The following PLAGL1 variants were observed in gnomAD, a reference collection of about 807,000 sequenced individuals.
PLAGL1 encodes zinc finger protein PLAGL1.
Under a neutral mutation model 4.6 loss-of-function variants are expected in PLAGL1, and 1 was observed. That is an observed-to-expected ratio of 0.22 (90% CI 0.08 to 1.03). The LOEUF (loss-of-function observed/expected upper bound fraction) is 1.03. Ranked by LOEUF, PLAGL1 falls within the 50% of genes least tolerant of loss-of-function variation. PLAGL1 has a pLI of 0.58. For synonymous variants in PLAGL1, 240 were observed against 237.8 expected, an observed-to-expected ratio of 1.01 and a Z score of -0.08; for missense variants, 464 against 570.4, an observed-to-expected ratio of 0.81 and a Z score of 1.90.
chr6:144,031,286 C>T (rs1395331436), intron 1 of PLAGL1, among the ~76,000 whole-genome samples: 1 of 152,086 alleles, frequency 6.6e-6, no homozygotes, highest in Non-Finnish European at 1.5e-5. Context: ...AAATTTTCTC[C>T]CACTCTGTGG....
In PLAGL1 at chr6:144,050,639, C is replaced by T. The variant is rs1798513269; in HGVS notation, c.-151+13829G>A. On this transcript the variant is annotated intron_variant, in intron 1 of 3. Coordinates refer to the PLAGL1 transcript ENST00000437412. This position sits in a 1 kb window ranked among gnomAD's most constrained non-coding sequence, Gnocchi z 4.3. ...GTGCAGTGGCTCATGTCTATAATCC[C>T]AGCACTTTGGGAGGCCAAGGCAGGA... Among the ~76,000 whole-genome samples, 3 of 152,172 alleles carry T rather than the reference C, an allele frequency of 2.0e-5. No individual in the cohort carries two copies. The highest frequency in any genetic ancestry group is 4.4e-5 in the Non-Finnish European group (3 of 68,034).
rs1797277047 is a variant in PLAGL1, at chr6:144,036,780, G to GTGA, written c.-151+27687_-151+27688insTCA. ...AAACTGCTCTAAGACAAGCAAGAAGGCAGACCTGCTAAATGCCCATTATGA... is the reference window on the plus strand; with the variant it reads ...AAACTGCTCTAAGACAAGCAAGAAGGTGACAGACCTGCTAAATGCCCATTATGA... On this transcript the variant is annotated intron_variant, in intron 1 of 3. Transcript: ENST00000437412. The surrounding 1 kb of genome is among the most constrained non-coding windows in gnomAD (Gnocchi z 5.1). The GTGA allele has an allele frequency of 3.0e-6, 1 of 332,570 alleles. No individual in the cohort carries two copies. The highest frequency in any genetic ancestry group is 2.2e-5 in the African/African-American group (1 of 44,452). 20.6% of individuals were successfully genotyped at this position (332,570 alleles called of 1,614,324 possible).
Position 143,953,793 on chromosome 6 carries a change from C to T in PLAGL1, c.-324-5333G>A, listed in dbSNP as rs574795714. ...CATTAAGAGGCAACAAAACAACCTGCTATACCCTGAAGCATCTACCATATG... is the reference window on the plus strand; with the variant it reads ...CATTAAGAGGCAACAAAACAACCTGTTATACCCTGAAGCATCTACCATATG... On this transcript the variant is annotated intron_variant, in intron 6 of 7. Coordinates refer to ENST00000674357, the MANE Select transcript of PLAGL1 (RefSeq NM_001317162.2). The surrounding 1 kb of genome is among the most constrained non-coding windows in gnomAD (Gnocchi z 5.3). Among the ~76,000 whole-genome samples the T allele has an allele frequency of 7.9e-5, 12 of 152,306 alleles. No homozygotes were observed. The highest frequency in any genetic ancestry group is 2.0e-4 in the Admixed American group (3 of 15,302).
rs1014643858 is a variant in PLAGL1, at chr6:144,027,150, C to T, written c.-151+37318G>A. 2.0e-5 allele frequency among the ~76,000 whole-genome samples: 3 copies of T among 151,492 alleles called. No homozygotes were observed. The highest frequency in any genetic ancestry group is 4.9e-5 in the African/African-American group (2 of 41,156). ...GAGGTGGGAGGATCACCTGAGCCCA[C>T]GAGTTTGAGGCTGTGGAGAGCCATG... On this transcript the variant is annotated intron_variant, in intron 1 of 3. Transcript: ENST00000437412. This position sits in a 1 kb window ranked among gnomAD's most constrained non-coding sequence, Gnocchi z 5.8.
rs1042104148 is a variant in PLAGL1 at position 143,983,181 on chromosome 6, C to G, written c.-544+1954G>C. ...ACTCAGAAGACAAGAGAAGAACATA[C>G]TTCACAGAGCAGCATGATCAGTGGG... On this transcript the variant is annotated intron_variant, in intron 2 of 7. Coordinates refer to ENST00000674357, the MANE Select transcript of PLAGL1 (RefSeq NM_001317162.2). The surrounding 1 kb of genome is among the most constrained non-coding windows in gnomAD (Gnocchi z 6.6). Among the ~76,000 whole-genome samples the G allele has an allele frequency of 2.6e-5, 4 of 152,142 alleles. No homozygotes were observed. The highest frequency in any genetic ancestry group is 5.9e-5 in the Non-Finnish European group (4 of 68,014).
rs1788343238 is a variant in PLAGL1 at position 143,983,285 on chromosome 6, C to T, written c.-544+1850G>A. Among the ~76,000 whole-genome samples, 1 of 152,160 alleles carries T rather than the reference C, an allele frequency of 6.6e-6. No homozygotes were observed. Among genetic ancestry groups the T allele is most frequent in the South Asian group, 2.1e-4 (1 of 4,832 alleles). Reference sequence around the variant, plus strand: ...TTTGCAATATGAAGGTCGCTGGTGACACTTGAGAACTTTGGTGGAATGCCC... The same window carrying T: ...TTTGCAATATGAAGGTCGCTGGTGATACTTGAGAACTTTGGTGGAATGCCC... On this transcript the variant is annotated intron_variant, in intron 2 of 7. Coordinates refer to ENST00000674357, the MANE Select transcript of PLAGL1 (RefSeq NM_001317162.2). This position sits in a 1 kb window ranked among gnomAD's most constrained non-coding sequence, Gnocchi z 6.6.
At chr6:143,981,149 A>G (rs1242104061) in intron 2 of PLAGL1, among the ~76,000 whole-genome samples, 1 of 147,922 alleles carries the variant, frequency 6.8e-6, no homozygotes, top group Non-Finnish European at 1.5e-5. Flanking sequence ...GCAGGATCAG[A>G]TTAGACTAGT....
intron 2 of PLAGL1, among the ~76,000 whole-genome samples, chr6:143,977,793 C>T (rs991073723): frequency 6.6e-6 from 1 of 152,118 alleles, no homozygotes; most frequent in African/African-American, 2.4e-5. Context: ...AGCCACTGCA[C>T]CCGGCCAGCT....
rs1391804636 is a variant in PLAGL1 at position 143,952,927 on chromosome 6, CA to C, written c.-324-4468del. On this transcript the variant is annotated intron_variant, in intron 6 of 7. Transcript: ENST00000674357. This position sits in a 1 kb window ranked among gnomAD's most constrained non-coding sequence, Gnocchi z 6.1. Reference sequence around the variant, plus strand: ...TAAAAAAGCTATTTAGAAATGTCATCAGGAGAAAGATGATATCCAGAACCTC... The same window carrying C: ...TAAAAAAGCTATTTAGAAATGTCATCGGAGAAAGATGATATCCAGAACCTC... Among the ~76,000 whole-genome samples the C allele has an allele frequency of 6.6e-6, 1 of 152,196 alleles. No homozygotes were observed. The highest frequency in any genetic ancestry group is 1.5e-5 in the Non-Finnish European group (1 of 68,032).
chr6:143,941,718 A>G lies in PLAGL1; in HGVS notation c.1098T>C (p.Pro366=). The change falls in exon 8 of 8, where the codon CCT becomes CCC. Residue 366 remains proline (P), a synonymous_variant. Transcript: ENST00000674357. The surrounding 1 kb of genome is among the most constrained non-coding windows in gnomAD (Gnocchi z 6.0). ...AGKVNLPKEL[P]ADAVNLTIPA... ...GTATTGTTAGGTTCACAGCATCTGC[A>G]GGCAGCTCCTTGGGCAGGTTTACTT... 6.2e-7 allele frequency: 1 copy of G among 1,614,244 alleles called. No individual in the cohort carries two copies. Among genetic ancestry groups the G allele is most frequent in the South Asian group, 1.1e-5 (1 of 91,086 alleles).
intron 1 of PLAGL1, among the ~76,000 whole-genome samples, chr6:143,988,476 G>C (rs1431583932): frequency 2.0e-5 from 3 of 152,196 alleles, no homozygotes; most frequent in Non-Finnish European, 4.4e-5. Flanking sequence ...GATCTTCCCT[G>C]AAAGGCAAGA....
intron 1 of PLAGL1, among the ~76,000 whole-genome samples, chr6:143,986,648 T>C (rs1424526476): frequency 6.6e-6 from 1 of 152,204 alleles, no homozygotes; most frequent in East Asian, 1.9e-4. Context: ...CAGACACCTA[T>C]TGTGACAAAC....
rs1791303870 is a variant in PLAGL1 at position 143,994,949 on chromosome 6, T to G, written c.-583-9775A>C. Among the ~76,000 whole-genome samples, 1 of 152,244 alleles carries G rather than the reference T, an allele frequency of 6.6e-6. No homozygotes were observed. The highest frequency in any genetic ancestry group is 3.2e-3 in the Middle Eastern group (1 of 316). ...CTATGTCACATCTCTCAGTGATGCC[T>G]CTATCTTGTCATCATCTAATGGGAA... On this transcript the variant is annotated intron_variant, in intron 1 of 7. Coordinates refer to ENST00000674357, the MANE Select transcript of PLAGL1 (RefSeq NM_001317162.2). This position sits in a 1 kb window ranked among gnomAD's most constrained non-coding sequence, Gnocchi z 4.3.
intron 1 of PLAGL1, among the ~76,000 whole-genome samples, chr6:144,025,760 G>C (rs1796298056): frequency 1.3e-5 from 2 of 152,008 alleles, no homozygotes; most frequent in Admixed American, 6.6e-5. Flanking sequence ...GGGTGTGGTG[G>C]CACGCACCTG....
rs1415937956 is a variant in PLAGL1, at chr6:143,953,683, A to G, written c.-324-5223T>C. On this transcript the variant is annotated intron_variant, in intron 6 of 7. Transcript: ENST00000674357. This position sits in a 1 kb window ranked among gnomAD's most constrained non-coding sequence, Gnocchi z 5.3. Reference sequence around the variant, plus strand: ...AAACACAGCCTAATATAAAAGGGAGAAAACAACAAATTTTGGAAGCTGAAA... The same window carrying G: ...AAACACAGCCTAATATAAAAGGGAGGAAACAACAAATTTTGGAAGCTGAAA... Among the ~76,000 whole-genome samples, 1 of 152,200 alleles carries G rather than the reference A, an allele frequency of 6.6e-6. No individual in the cohort carries two copies. Among genetic ancestry groups the G allele is most frequent in the Non-Finnish European group, 1.5e-5 (1 of 68,042 alleles).
In PLAGL1 at chr6:143,995,642, C is replaced by G. The variant is rs1235737295; in HGVS notation, c.-583-10468G>C. ...TAAGATACTCATACCACTTAAAATT[C>G]AAACACTATTATGATATATATGCTT... On this transcript the variant is annotated intron_variant, in intron 1 of 7. Transcript: ENST00000674357. This position sits in a 1 kb window ranked among gnomAD's most constrained non-coding sequence, Gnocchi z 4.4. Among the ~76,000 whole-genome samples, 2 of 151,996 alleles carry G rather than the reference C, an allele frequency of 1.3e-5. No individual in the cohort carries two copies. Among genetic ancestry groups the G allele is most frequent in the African/African-American group, 4.8e-5 (2 of 41,386 alleles).
At chr6:143,981,364 A>G (rs968814131) in intron 2 of PLAGL1, among the ~76,000 whole-genome samples, 2 of 152,078 alleles carry the variant, frequency 1.3e-5, no homozygotes, top group Non-Finnish European at 2.9e-5. Context: ...TGCACTAATC[A>G]GCACTCGGCT....
rs1007072527 is a variant in PLAGL1, at chr6:144,013,692, G to A, written c.-150-44714C>T. Reference sequence around the variant, plus strand: ...GGCTTCCTCGGCTTCCTTGGCTTGCGGCCACAGCATGCCAATCTCTGCCTC... The same window carrying A: ...GGCTTCCTCGGCTTCCTTGGCTTGCAGCCACAGCATGCCAATCTCTGCCTC... On this transcript the variant is annotated intron_variant, in intron 1 of 3. Transcript: ENST00000437412. This position sits in a 1 kb window ranked among gnomAD's most constrained non-coding sequence, Gnocchi z 4.4. Among the ~76,000 whole-genome samples the A allele has an allele frequency of 5.3e-5, 8 of 152,104 alleles. No homozygotes were observed. The highest frequency in any genetic ancestry group is 2.1e-4 in the South Asian group (1 of 4,830).
intron 1 of PLAGL1, among the ~76,000 whole-genome samples, chr6:144,001,550 A>G (rs976780938): frequency 6.6e-6 from 1 of 152,170 alleles, no homozygotes; most frequent in African/African-American, 2.4e-5. Flanking sequence ...CCTCAAAAAT[A>G]TTTATTAATC....
Sources: gnomAD v4.1 joint callset for allele counts (sites outside exome capture counted in the v4.1 genomes callset) on GRCh38, gnomAD v4.1.1 for gene constraint, Gnocchi (gnomAD v3.1) non-coding constraint, MANE v1.5 for transcripts, NCBI Gene and HGNC (gene_info 2026-07-23, HGNC 2026-07-21) for gene names.